Variants in OSBPL3 observed in about 807,000 individuals in gnomAD.
OSBPL3 encodes oxysterol binding protein like 3.
A neutral mutation model predicts 120.1 loss-of-function variants in OSBPL3; 65 were observed. That is an observed-to-expected ratio of 0.54 (90% confidence interval 0.44 to 0.67). The LOEUF (loss-of-function observed/expected upper bound fraction) is 0.67. OSBPL3 is among the 30% of genes least tolerant of loss of function. OSBPL3 has a pLI of 0.00. For missense variants in OSBPL3, 1,004 were observed against 1,082.1 expected (o/e 0.93, Z 1.01); for synonymous variants, 416 against 402.6 (o/e 1.03, Z -0.40).
At chr7:24,842,492 A>G (rs1383176830) in intron 12 of OSBPL3, 79 bp from the exon 13 acceptor site, 5 of 1,120,290 alleles carry the variant, frequency 4.5e-6, no homozygotes, top group Non-Finnish European at 6.5e-6. Flanking sequence ...TTAGTTGTAC[A>G]ATACACAAGG....
chr7:24,802,856 C>A lies in OSBPL3; in HGVS notation c.2567+1459G>T, dbSNP rs1203361935. On this transcript the variant is annotated intron_variant, in intron 22 of 22. Transcript: ENST00000313367. The surrounding 1 kb of genome is among the most constrained non-coding windows in gnomAD (Gnocchi z 4.1). The stretch of plus-strand genomic sequence containing the variant: ...TCAACTGATCAGTCTGTTAATCTAT[C>A]CATTTTTCTATTTCTTGCCTTTTTC... Among the ~76,000 whole-genome samples the A allele has an allele frequency of 4.6e-5, 7 of 152,118 alleles. No individual in the cohort carries two copies.
At chr7:24,920,311 G>C (rs1810239587) in intron 1 of OSBPL3, among the ~76,000 whole-genome samples, 1 of 152,006 alleles carries the variant, frequency 6.6e-6, no homozygotes, top group Admixed American at 6.6e-5. Context: ...CCATAAAAAG[G>C]AATTAAATAG....
intron 1 of OSBPL3, among the ~76,000 whole-genome samples, chr7:24,958,058 C>T (rs1260008071): frequency 6.6e-6 from 1 of 152,126 alleles, no homozygotes; most frequent in East Asian, 1.9e-4. Flanking sequence ...CTTTTGCTCA[C>T]ATATAAGCAT....
chr7:24,816,834 T>C (rs146127325), intron 17 of OSBPL3, 146 bp from the exon 18 acceptor site: 27 of 634,682 alleles, frequency 4.3e-5, no homozygotes, highest in Non-Finnish European at 7.0e-5. Context: ...TTTCATAAAA[T>C]ATAAGTACCA....
At chr7:24,864,987 C>T (rs1330609609) in intron 7 of OSBPL3, among the ~76,000 whole-genome samples, 1 of 152,100 alleles carries the variant, frequency 6.6e-6, no homozygotes, top group African/African-American at 2.4e-5. Flanking sequence ...GTGAAGATCT[C>T]CATCTGATCA....
At chr7:24,809,734 C>T in intron 20 of OSBPL3, 73 bp downstream of exon 20, 3 of 1,432,830 alleles carry the variant, frequency 2.1e-6, no homozygotes, top group Non-Finnish European at 2.9e-6. Flanking sequence ...TACTCCTGTC[C>T]TCTGTGGCTT....
intron 10 of OSBPL3, among the ~76,000 whole-genome samples, chr7:24,856,909 T>A (rs1026232345): frequency 6.6e-6 from 1 of 152,224 alleles, no homozygotes; most frequent in South Asian, 2.1e-4. Flanking sequence ...TAACCCATAT[T>A]CCATCCAAAT....
At chr7:24,906,672 T>A (rs1455444345) in intron 1 of OSBPL3, 1 of 152,538 alleles carries the variant, frequency 6.6e-6, no homozygotes, top group East Asian at 1.9e-4. Context: ...ACATTTAGGT[T>A]GTTTCCACAT....
chr7:24,959,338 A>G lies in OSBPL3; in HGVS notation c.-150+20548T>C, dbSNP rs1459911173. ...CAGAAAAAAAAACAAATGTTTATCA[A>G]TAGTAGAATGGATAAATAAATTTTG... On this transcript the variant is annotated intron_variant, in intron 1 of 22. Transcript: ENST00000313367. The surrounding 1 kb of genome is among the most constrained non-coding windows in gnomAD (Gnocchi z 4.3). 6.6e-6 allele frequency among the ~76,000 whole-genome samples: 1 copy of G among 152,240 alleles called. No individual in the cohort carries two copies. The highest frequency in any genetic ancestry group is 1.5e-5 in the Non-Finnish European group (1 of 68,030).
intron 2 of OSBPL3, among the ~76,000 whole-genome samples, chr7:24,886,741 G>A (rs1804586977): frequency 6.6e-6 from 1 of 152,204 alleles, no homozygotes; most frequent in Admixed American, 6.5e-5. Flanking sequence ...GCAGTGTTAA[G>A]CATGGTATTA....
intron 1 of OSBPL3, among the ~76,000 whole-genome samples, chr7:24,903,270 C>T (rs1584562602): frequency 6.6e-6 from 1 of 152,160 alleles, no homozygotes; most frequent in Non-Finnish European, 1.5e-5. Context: ...ATGAGGAAAG[C>T]GTGGACTCAC....
chr7:24,855,760 A>G lies in OSBPL3; in HGVS notation c.1028-3126T>C, dbSNP rs1176178277. Among the ~76,000 whole-genome samples, 1 of 152,234 alleles carries G rather than the reference A, an allele frequency of 6.6e-6. No individual in the cohort carries two copies. Among genetic ancestry groups the G allele is most frequent in the African/African-American group, 2.4e-5 (1 of 41,460 alleles). ...AGGAGTGCTTTCTTACTTATTTCTA[A>G]CATGAATCTAAGCTTACTAGAGACA... On this transcript the variant is annotated intron_variant, in intron 10 of 22. Coordinates refer to ENST00000313367, the MANE Select transcript of OSBPL3 (RefSeq NM_015550.4). This position sits in a 1 kb window ranked among gnomAD's most constrained non-coding sequence, Gnocchi z 4.3.
rs1442262410 is a variant in OSBPL3 at position 24,922,001 on chromosome 7, T to C, written c.-149-29380A>G. Reference sequence around the variant, plus strand: ...TACAGATTCAATTTTTCACCACCTTTATGTCTCACGTCCAGCCAAGAGGCT... The same window carrying C: ...TACAGATTCAATTTTTCACCACCTTCATGTCTCACGTCCAGCCAAGAGGCT... On this transcript the variant is annotated intron_variant, in intron 1 of 22. Transcript: ENST00000313367. This position sits in a 1 kb window ranked among gnomAD's most constrained non-coding sequence, Gnocchi z 4.3. 6.6e-6 allele frequency among the ~76,000 whole-genome samples: 1 copy of C among 152,224 alleles called. No homozygotes were observed. Among genetic ancestry groups the C allele is most frequent in the Admixed American group, 6.5e-5 (1 of 15,280 alleles).
chr7:24,863,486 T>C lies in OSBPL3; in HGVS notation c.777+10A>G, dbSNP rs764810058. 1 of 1,600,236 alleles carries C rather than the reference T, an allele frequency of 6.2e-7. No homozygotes were observed. Among genetic ancestry groups the C allele is most frequent in the South Asian group, 1.1e-5 (1 of 90,760 alleles). On this transcript the variant is annotated intron_variant, in intron 8 of 22. Coordinates refer to ENST00000313367, the MANE Select transcript of OSBPL3 (RefSeq NM_015550.4). This position sits in a 1 kb window ranked among gnomAD's most constrained non-coding sequence, Gnocchi z 5.8. ...GGCCAGAATGTCAACAGAAGAGGAG[T>C]CCGGCTCACCTGGATGGCGTTGATA... is the stretch of plus-strand genomic sequence containing the variant.
At position 24,827,356 on chromosome 7, in the gene OSBPL3, T is replaced by A. The variant is rs1795834173; in HGVS notation, c.1884+3412A>T. Reference sequence around the variant, plus strand: ...TCTCTTCAGATGTGTTAAATTAGAATAGACAGCATTGGGAGAGGGAAAGAG... The same window carrying A: ...TCTCTTCAGATGTGTTAAATTAGAAAAGACAGCATTGGGAGAGGGAAAGAG... On this transcript the variant is annotated intron_variant, in intron 16 of 22. Transcript: ENST00000313367. The surrounding 1 kb of genome is among the most constrained non-coding windows in gnomAD (Gnocchi z 5.1). 6.6e-6 allele frequency among the ~76,000 whole-genome samples: 1 copy of A among 152,220 alleles called. No individual in the cohort carries two copies. Among genetic ancestry groups the A allele is most frequent in the Non-Finnish European group, 1.5e-5 (1 of 68,032 alleles).
rs1333829062 is a variant in OSBPL3 at position 24,834,290 on chromosome 7, C to T, written c.1746+196G>A. The T allele has an allele frequency of 3.5e-6, 5 of 1,418,164 alleles. No homozygotes were observed. The highest frequency in any genetic ancestry group is 2.9e-5 in the African/African-American group (2 of 69,130). The allele number at this position is 1,418,164 out of a possible 1,614,324, so 87.8% of individuals were successfully genotyped here. On this transcript the variant is annotated intron_variant, in intron 15 of 22. Coordinates refer to ENST00000313367, the MANE Select transcript of OSBPL3 (RefSeq NM_015550.4). This position sits in a 1 kb window ranked among gnomAD's most constrained non-coding sequence, Gnocchi z 5.2. ...GTGCCACGGAGAAGCACCCCAACCC[C>T]GTCTCCAAATCCTCACAAGGTGACT... is the stretch of plus-strand genomic sequence containing the variant.
In OSBPL3 at chr7:24,841,633, TG is replaced by T. The variant is rs1239149936; in HGVS notation, c.1401+645del. Reference sequence around the variant, plus strand: ...TTGCTTGAACCTGGGAGGCAGAGGTTGCAGTGAGCAGATATCACACCACTGC... The same window carrying T: ...TTGCTTGAACCTGGGAGGCAGAGGTTCAGTGAGCAGATATCACACCACTGC... On this transcript the variant is annotated intron_variant, in intron 13 of 22. Coordinates refer to ENST00000313367, the MANE Select transcript of OSBPL3 (RefSeq NM_015550.4). Among the ~76,000 whole-genome samples the T allele has an allele frequency of 2.0e-4, 27 of 138,432 alleles. No individual in the cohort carries two copies. The Admixed American group carries it at 2.2e-3, about 11-fold the overall frequency. 90.8% of individuals were successfully genotyped at this position (138,432 alleles called of 152,430 possible).
chr7:24,950,615 G>A (rs945433069), intron 1 of OSBPL3, among the ~76,000 whole-genome samples: 3 of 152,342 alleles, frequency 2.0e-5, no homozygotes, highest in South Asian at 4.1e-4. Flanking sequence ...CCAGCTACTT[G>A]GGCGGCTGAG....
In OSBPL3 at chr7:24,895,087, T is replaced by A. The variant is rs370788350; in HGVS notation, c.-149-2466A>T. On this transcript the variant is annotated intron_variant, in intron 1 of 22. Coordinates refer to ENST00000313367, the MANE Select transcript of OSBPL3 (RefSeq NM_015550.4). ...TTGTTGCCCGGGGAAATATATCTAT[T>A]TCATCCCCTAGAACCTTCCTGCCTA... is the stretch of plus-strand genomic sequence containing the variant. Among the ~76,000 whole-genome samples, 23 of 152,152 alleles carry A rather than the reference T, an allele frequency of 1.5e-4. No individual in the cohort carries two copies. In the East Asian group the frequency reaches 1.5e-3, roughly 10 times the overall value.
Sources: allele counts gnomAD v4.1 joint callset (sites outside exome capture counted in the v4.1 genomes callset), GRCh38; gene constraint gnomAD v4.1.1; non-coding constraint Gnocchi (gnomAD v3.1); transcripts MANE v1.5; gene names NCBI Gene and HGNC (gene_info 2026-07-23, HGNC 2026-07-21).